PPFIA2: variants seen among roughly 807,000 people sequenced by gnomAD.
The protein encoded by PPFIA2 is PPFI scaffold protein A2.
PPFIA2 carries 46 observed loss-of-function variants against 175.5 expected under a neutral mutation model. That is an observed-to-expected ratio of 0.26 (90% CI 0.21 to 0.34). The LOEUF (loss-of-function observed/expected upper bound fraction) is 0.34. Ranked by LOEUF, PPFIA2 falls within the 10% of genes least tolerant of loss-of-function variation. PPFIA2 has a pLI of 1.00. For missense variants in PPFIA2, 1,179 were observed against 1,506.1 expected (o/e 0.78, Z 3.60); for synonymous variants, 568 against 511.4 (o/e 1.11, Z -1.49).
chr12:81,345,517 A>C (rs763925290), intron 18 of PPFIA2, among the ~76,000 whole-genome samples: 1 of 152,088 alleles, frequency 6.6e-6, no homozygotes, highest in Non-Finnish European at 1.5e-5. Flanking sequence ...ACACAATCAC[A>C]TCTAAAGGAT....
At chr12:81,496,182 A>G (rs775572846) in intron 4 of PPFIA2, among the ~76,000 whole-genome samples, 7 of 152,168 alleles carry the variant, frequency 4.6e-5, no homozygotes, top group Non-Finnish European at 1.0e-4. Flanking sequence ...TGAAGGAGAT[A>G]AGCATTTTAA....
chr12:81,363,033 A>G (rs1427260335), intron 14 of PPFIA2, among the ~76,000 whole-genome samples: 1 of 151,612 alleles, frequency 6.6e-6, no homozygotes, highest in Non-Finnish European at 1.5e-5. Flanking sequence ...ATTCGTGGGA[A>G]TATTAAAATT....
intron 4 of PPFIA2, among the ~76,000 whole-genome samples, chr12:81,483,723 ACTAT>A (rs973290740): frequency 6.6e-5 from 10 of 152,102 alleles, no homozygotes; most frequent in African/African-American, 1.9e-4. Context: ...TAAGGAAAAA[ACTAT>A]CTAAGGTATT....
At chr12:81,305,196 A>T (rs2048851618) in intron 22 of PPFIA2, among the ~76,000 whole-genome samples, 1 of 152,150 alleles carries the variant, frequency 6.6e-6, no homozygotes, top group Admixed American at 6.5e-5. Context: ...TTATAAATTG[A>T]TCTCAATTTA....
intron 3 of PPFIA2, among the ~76,000 whole-genome samples, chr12:81,704,003 AC>A (rs1181258620): frequency 6.6e-6 from 1 of 152,168 alleles, no homozygotes; most frequent in Non-Finnish European, 1.5e-5. Context: ...ATTATTTTAT[AC>A]CTATTTGTTG....
intron 22 of PPFIA2, among the ~76,000 whole-genome samples, chr12:81,311,732 CAA>C (rs1050904857): frequency 1.9e-4 from 9 of 48,342 alleles, no homozygotes; most frequent in Non-Finnish European, 2.4e-4. Flanking sequence ...GACTCTGTCT[CAA>C]AAAAAAAAAA....
At chr12:81,318,637 T>C (rs956114036) in intron 22 of PPFIA2, among the ~76,000 whole-genome samples, 78 of 151,876 alleles carry the variant, frequency 5.1e-4, no homozygotes, top group Admixed American at 3.3e-4. Flanking sequence ...TGTGTGAAAG[T>C]GCTGGGTTAT....
intron 3 of PPFIA2, among the ~76,000 whole-genome samples, chr12:81,719,668 CAGCATTGAAGCATACATCTTAAAA>C (rs2079077561): frequency 6.6e-6 from 1 of 151,424 alleles, no homozygotes; most frequent in Non-Finnish European, 1.5e-5. Flanking sequence ...ATAATTAAAA[CAGCATTGAAGCATACATCTTAAAA>C]AGATCACAGA....
chr12:81,368,029 G>T (rs1404269142), intron 13 of PPFIA2: 2 of 1,050,030 alleles, frequency 1.9e-6, no homozygotes, highest in African/African-American at 1.6e-5. Flanking sequence ...AATGGAAAAT[G>T]TCTAGCTAAA....
intron 4 of PPFIA2, among the ~76,000 whole-genome samples, chr12:81,523,084 ATCTTGCCACTAT>A (rs1483083170): frequency 1.3e-5 from 2 of 152,182 alleles, no homozygotes; most frequent in African/African-American, 2.4e-5. Flanking sequence ...ATGTATGCTA[ATCTTGCCACTAT>A]TTCATTGGCG....
intron 4 of PPFIA2, among the ~76,000 whole-genome samples, chr12:81,488,942 G>T: frequency 6.6e-6 from 1 of 151,746 alleles, no homozygotes; most frequent in Non-Finnish European, 1.5e-5. Context: ...TATACAATTA[G>T]GCACAGCGCA....
chr12:81,632,127 A>G (rs2063462899), intron 4 of PPFIA2, among the ~76,000 whole-genome samples: 2 of 152,192 alleles, frequency 1.3e-5, no homozygotes, highest in Non-Finnish European at 2.9e-5. Flanking sequence ...ATTAACAGAA[A>G]ATGCAGAAGT....
At chr12:81,472,003 CAAGGAAATAT>C (rs768507348) in intron 4 of PPFIA2, among the ~76,000 whole-genome samples, 6 of 151,956 alleles carry the variant, frequency 3.9e-5, no homozygotes, top group Non-Finnish European at 7.4e-5. Flanking sequence ...CAAATACACA[CAAGGAAATAT>C]TATTCAACAA....
intron 3 of PPFIA2, among the ~76,000 whole-genome samples, chr12:81,706,011 T>A (rs2077091270): frequency 6.6e-6 from 1 of 151,954 alleles, no homozygotes; most frequent in Non-Finnish European, 1.5e-5. Context: ...ATTAAAAGTA[T>A]TTTTTTATTT....
At chr12:81,284,380 G>GT in intron 24 of PPFIA2, 77 bp from the exon 25 acceptor site, 2 of 1,054,818 alleles carry the variant, frequency 1.9e-6, no homozygotes, top group Non-Finnish European at 2.9e-6. Flanking sequence ...CAGCACCTCT[G>GT]TGAGTTAACA....
chr12:81,714,860 T>C (rs760314552), intron 3 of PPFIA2, among the ~76,000 whole-genome samples: 1 of 151,238 alleles, frequency 6.6e-6, no homozygotes, highest in South Asian at 2.1e-4. Context: ...TATTCTTTTA[T>C]GCAAATAAAA....
At chr12:81,718,762 A>C (rs2153626860) in intron 3 of PPFIA2, among the ~76,000 whole-genome samples, 1 of 151,762 alleles carries the variant, frequency 6.6e-6, no homozygotes, top group Middle Eastern at 3.4e-3. Context: ...TTAAGTCCTG[A>C]ATCTTAATGT....
chr12:81,737,776 A>T (rs1009948117), intron 3 of PPFIA2, among the ~76,000 whole-genome samples: 9 of 152,030 alleles, frequency 5.9e-5, no homozygotes, highest in African/African-American at 2.2e-4. Context: ...AGAGAAAATT[A>T]GTGAACTAAA....
chr12:81,354,729 T>C (rs2060607242), intron 16 of PPFIA2, among the ~76,000 whole-genome samples: 1 of 151,994 alleles, frequency 6.6e-6, no homozygotes, highest in South Asian at 2.1e-4. Flanking sequence ...CTGCAACCTC[T>C]GCCACCCGAG....
Sources: gnomAD v4.1 joint callset for allele counts (sites outside exome capture counted in the v4.1 genomes callset) on GRCh38, gnomAD v4.1.1 for gene constraint, MANE v1.5 for transcripts, NCBI Gene and HGNC (gene_info 2026-07-23, HGNC 2026-07-21) for gene names.